SAXO1: variants seen among roughly 807,000 people sequenced by gnomAD.
SAXO1 encodes the protein stabilizer of axonemal microtubules 1.
In SAXO1, 21 loss-of-function variants were observed where a neutral mutation model predicts 17.5. That is an observed-to-expected ratio of 1.20 (90% CI 0.85 to 1.72). The LOEUF is 1.72. SAXO1 is among the 40% of genes most tolerant of loss of function. The pLI is 0.00. For synonymous variants in SAXO1, 274 were observed against 216.5 expected, an observed-to-expected ratio of 1.27 and a Z score of -2.33; for missense variants, 843 against 596.0, an observed-to-expected ratio of 1.41 and a Z score of -4.32.
At position 19,033,136 on chromosome 9, in the gene SAXO1, C is replaced by G. The variant is rs1198106060; in HGVS notation, c.-228G>C. 6.4e-6 allele frequency: 3 copies of G among 472,412 alleles called. No homozygotes were observed. Among genetic ancestry groups the G allele is most frequent in the African/African-American group, 2.0e-5 (1 of 49,982 alleles). The allele number at this position is 472,412 out of a possible 1,614,324, so 29.3% of individuals were successfully genotyped here. Reference sequence around the variant, plus strand: ...AGCAGGGGGCTTGCACGCGCGCCAGCCCGGGAGACCTCACCCTGCACGCCA... The same window carrying G: ...AGCAGGGGGCTTGCACGCGCGCCAGGCCGGGAGACCTCACCCTGCACGCCA... On this transcript the variant is annotated 5_prime_UTR_variant, in exon 1 of 4. Transcript: ENST00000380534.
intron 1 of SAXO1, among the ~76,000 whole-genome samples, chr9:19,024,884 G>T (rs1288335579): frequency 4.6e-5 from 7 of 152,172 alleles, no homozygotes; most frequent in African/African-American, 1.4e-4. Flanking sequence ...TGGAGGGAAT[G>T]ACGTTTAAAA....
chr9:19,043,280 G>A (rs567809109), intron 1 of SAXO1, among the ~76,000 whole-genome samples: 1 of 152,312 alleles, frequency 6.6e-6, no homozygotes, highest in South Asian at 2.1e-4. Context: ...TATGTTAAGT[G>A]AAATAAGCCA....
At chr9:18,951,891 G>A (rs1400721758) in intron 1 of SAXO1, among the ~76,000 whole-genome samples, 3 of 152,134 alleles carry the variant, frequency 2.0e-5, no homozygotes, top group African/African-American at 7.2e-5. Flanking sequence ...AATGTTTACT[G>A]CATACTGGCA....
At chr9:18,966,809 G>C (rs969925296) in intron 1 of SAXO1, among the ~76,000 whole-genome samples, 1 of 152,096 alleles carries the variant, frequency 6.6e-6, no homozygotes, top group Non-Finnish European at 1.5e-5. Flanking sequence ...TGATCCTTTG[G>C]GGGAGAAGAG....
At chr9:18,966,252 G>T (rs1832712781) in intron 1 of SAXO1, among the ~76,000 whole-genome samples, 2 of 152,106 alleles carry the variant, frequency 1.3e-5, no homozygotes, top group Admixed American at 6.5e-5. Flanking sequence ...TCTTTCTGGT[G>T]TTCTCTGTAT....
chr9:18,932,350 C>G (rs1831090984), intron 3 of SAXO1, among the ~76,000 whole-genome samples: 1 of 152,166 alleles, frequency 6.6e-6, no homozygotes, highest in Admixed American at 6.6e-5. Flanking sequence ...GACATAAAGG[C>G]TTATTTCTGT....
chr9:19,035,264 G>A (rs186761552), upstream of SAXO1, among the ~76,000 whole-genome samples: 13 of 152,220 alleles, frequency 8.5e-5, no homozygotes, highest in African/African-American at 2.6e-4. Context: ...TCATGGGGGC[G>A]GTTTCCCCCA....
At position 18,928,276 on chromosome 9, in the gene SAXO1, G is replaced by T; in HGVS notation, c.1201C>A (p.Pro401Thr). The T allele has an allele frequency of 6.2e-7, 1 of 1,612,684 alleles. No individual in the cohort carries two copies. The highest frequency in any genetic ancestry group is 8.5e-7 in the Non-Finnish European group (1 of 1,178,970). The change falls in exon 4 of 4, where the codon CCT becomes ACT. Residue 401 changes from proline to threonine, a missense_variant. Physicochemically the swap from Pro to Thr is conservative, Grantham distance 38. Coordinates refer to ENST00000380534, the MANE Select transcript of SAXO1 (RefSeq NM_153707.4). The part of the protein sequence containing the change: ...PHWSGPRGNV[P>T]VESQTTYTIS... ...GTGTAGGTGGTCTGGCTTTCCACAGGGACATTTCCTCGAGGGCCAGACCAA... is the reference window on the plus strand; with the variant it reads ...GTGTAGGTGGTCTGGCTTTCCACAGTGACATTTCCTCGAGGGCCAGACCAA...
At chr9:18,972,837 C>T (rs759586742) in intron 1 of SAXO1, among the ~76,000 whole-genome samples, 2 of 152,208 alleles carry the variant, frequency 1.3e-5, no homozygotes, top group South Asian at 2.1e-4. Context: ...CACTAAGCCT[C>T]GAGTCCTTCC....
chr9:18,972,352 C>T (rs1481429297), intron 1 of SAXO1, among the ~76,000 whole-genome samples: 1 of 152,212 alleles, frequency 6.6e-6, no homozygotes, highest in Admixed American at 6.5e-5. Context: ...CCATACCTTT[C>T]TATTAGACTG....
At chr9:18,938,842 G>GTA (rs1554667886) in intron 3 of SAXO1, among the ~76,000 whole-genome samples, 63 of 38,278 alleles carry the variant, frequency 1.6e-3, no homozygotes, top group African/African-American at 5.3e-3. Context: ...GTGTGTGTGT[G>GTA]TGTGTGTGTG....
intron 2 of SAXO1, among the ~76,000 whole-genome samples, chr9:18,944,527 C>T (rs7860204): frequency 3.0e-4 from 45 of 152,312 alleles, no homozygotes; most frequent in African/African-American, 1.1e-3. Context: ...TTCTGTGGTA[C>T]ATTTCCCAGT....
intron 3 of SAXO1, among the ~76,000 whole-genome samples, chr9:18,939,025 C>A (rs1177515310): frequency 6.6e-6 from 1 of 151,966 alleles, no homozygotes; most frequent in Non-Finnish European, 1.5e-5. Flanking sequence ...AGAGAGGGAA[C>A]TGAACTGACA....
At chr9:18,977,126 C>T (rs1486725990) in intron 1 of SAXO1, among the ~76,000 whole-genome samples, 1 of 152,176 alleles carries the variant, frequency 6.6e-6, no homozygotes, top group Non-Finnish European at 1.5e-5. Flanking sequence ...CTGTGGTTGC[C>T]TTCTCTTATA....
At chr9:18,937,302 T>G (rs1831341208) in intron 3 of SAXO1, among the ~76,000 whole-genome samples, 1 of 152,112 alleles carries the variant, frequency 6.6e-6, no homozygotes, top group Non-Finnish European at 1.5e-5. Context: ...GGGTGGGGAT[T>G]TGTGTAGATA....
chr9:18,972,010 C>T (rs529046899), intron 1 of SAXO1, among the ~76,000 whole-genome samples: 13 of 152,242 alleles, frequency 8.5e-5, no homozygotes, highest in African/African-American at 2.4e-4. Flanking sequence ...TAAAGAACCA[C>T]GCTGGAAAAA....
intron 1 of SAXO1, among the ~76,000 whole-genome samples, chr9:19,038,966 T>C (rs562289661): frequency 6.6e-6 from 1 of 152,232 alleles, no homozygotes; most frequent in African/African-American, 2.4e-5. Context: ...TTTGTAAAAT[T>C]AATACTCAGT....
In SAXO1 at chr9:18,997,884, T is replaced by G. The variant is rs112342583; in HGVS notation, c.38+34987A>C. On this transcript the variant is annotated intron_variant, in intron 1 of 3. Coordinates refer to ENST00000380534, the MANE Select transcript of SAXO1 (RefSeq NM_153707.4). The stretch of plus-strand genomic sequence containing the variant: ...CAGACATGCAGCTGAGGGGCCTGTC[T>G]GTTAGAAGGAAAACCAACAGAAAGG... Among the ~76,000 whole-genome samples, 357 of 152,324 alleles carry G rather than the reference T, an allele frequency of 2.3e-3. 3 individuals are homozygous for G. The highest frequency in any genetic ancestry group is 4.0e-3 in the Non-Finnish European group (272 of 68,034).
intron 1 of SAXO1, among the ~76,000 whole-genome samples, chr9:18,968,387 G>C (rs1409126075): frequency 6.6e-6 from 1 of 152,210 alleles, no homozygotes; most frequent in Non-Finnish European, 1.5e-5. Context: ...GGGATGAATA[G>C]ATGGAGAGAT....
Sources: gnomAD v4.1 joint callset for allele counts (sites outside exome capture counted in the v4.1 genomes callset) on GRCh38, gnomAD v4.1.1 for gene constraint, MANE v1.5 for transcripts, NCBI Gene and HGNC (gene_info 2026-07-23, HGNC 2026-07-21) for gene names.